Variants in NCKAP5L observed in about 807,000 individuals in gnomAD.
The protein encoded by NCKAP5L is NCK associated protein 5 like, also known as nck-associated protein 5-like.
NCKAP5L carries 54 observed loss-of-function variants against 103.2 expected under a neutral mutation model. That is an observed-to-expected ratio of 0.52 (90% CI 0.42 to 0.66). NCKAP5L has a LOEUF of 0.66. Among genes scored for constraint, NCKAP5L ranks in the 30% least tolerant of loss-of-function variants. NCKAP5L has a pLI of 0.00. For synonymous variants in NCKAP5L, 762 were observed against 748.6 expected, an observed-to-expected ratio of 1.02 and a Z score of -0.29; for missense variants, 1,733 against 1,750.6, an observed-to-expected ratio of 0.99 and a Z score of 0.18.
In NCKAP5L at chr12:49,792,753, G is replaced by A; in HGVS notation, c.3574C>T (p.His1192Tyr). 1.2e-6 allele frequency: 2 copies of A among 1,608,922 alleles called. No homozygotes were observed. Among genetic ancestry groups the A allele is most frequent in the Non-Finnish European group, 1.7e-6 (2 of 1,178,564 alleles). ...GCAGGGAAGGCTGGCATGCTGGGGT[G>A]CCGCCCACTCACCAGCAGCTCCTCT... ...GIEELLVSGRHPSMPAFPALL... is the reference protein window; with the variant it reads ...GIEELLVSGRYPSMPAFPALL... The change falls in exon 11 of 13, where the codon CAC becomes TAC. Residue 1192 changes from histidine (H) to tyrosine (Y), a missense_variant. Coordinates refer to ENST00000335999, the MANE Select transcript of NCKAP5L (RefSeq NM_001037806.4). This position sits in a 1 kb window ranked among gnomAD's most constrained non-coding sequence, Gnocchi z 4.5.
rs778358142 is a variant in NCKAP5L at position 49,795,687 on chromosome 12, T to TC, written c.2172dup (p.Ile725AspfsTer85). On this transcript the variant is annotated frameshift_variant, in exon 8 of 13. Transcript: ENST00000335999. LOFTEE classifies it high-confidence loss of function. ...GTGCCCAAGGCCACTGCCCCCCGTA[T>TC]CCCCCCCTTGGCTTCTAGCTGCTCC... is the stretch of plus-strand genomic sequence containing the variant. The TC allele has an allele frequency of 1.2e-6, 2 of 1,611,932 alleles. No individual in the cohort carries two copies. Among genetic ancestry groups the TC allele is most frequent in the Non-Finnish European group, 8.5e-7 (1 of 1,179,138 alleles).
chr12:49,822,648 G>A (rs1946373986), intron 1 of NCKAP5L, among the ~76,000 whole-genome samples: 1 of 151,128 alleles, frequency 6.6e-6, no homozygotes, highest in Non-Finnish European at 1.5e-5. Flanking sequence ...CTGGGTTCAA[G>A]TGATCCTCCC....
rs1330832432 is a variant in NCKAP5L at position 49,793,292 on chromosome 12, T to C, written c.3340+60A>G. 4.0e-6 allele frequency: 6 copies of C among 1,504,790 alleles called. No individual in the cohort carries two copies. The African/African-American group carries it at 7.0e-5, about 17-fold the overall frequency. The allele number at this position is 1,504,790 out of a possible 1,614,324, so 93.2% of individuals were successfully genotyped here. On this transcript the variant is annotated intron_variant, in intron 10 of 12. Transcript: ENST00000335999. ...GCTGCGGGGACGGGAAGAAGTAAAG[T>C]GGGAAGAAGTGGGTAGGGGGGTGGG...
intron 1 of NCKAP5L, among the ~76,000 whole-genome samples, chr12:49,811,914 C>T (rs1336940228): frequency 6.6e-6 from 1 of 152,218 alleles, no homozygotes. Flanking sequence ...TCTCATTGTT[C>T]CCTTAACCTG....
chr12:49,821,884 A>G (rs569957145), intron 1 of NCKAP5L, among the ~76,000 whole-genome samples: 1 of 152,324 alleles, frequency 6.6e-6, no homozygotes, highest in South Asian at 2.1e-4. Flanking sequence ...ACAAAGGTGA[A>G]CAAACACTGC....
At chr12:49,827,298 G>A (rs570618672) in intron 1 of NCKAP5L, among the ~76,000 whole-genome samples, 1 of 152,108 alleles carries the variant, frequency 6.6e-6, no homozygotes, top group Non-Finnish European at 1.5e-5. Flanking sequence ...TGGGAGGGAG[G>A]GATTGCCTCT....
chr12:49,791,800 G>GC lies in NCKAP5L; in HGVS notation c.*38_*39insG. On this transcript the variant is annotated 3_prime_UTR_variant, in exon 13 of 13. Coordinates refer to ENST00000335999, the MANE Select transcript of NCKAP5L (RefSeq NM_001037806.4). ...ATGAAGAGAGCCGGTCCAGTCTGTG[G>GC]TCCCCAGCTCCAGCGGGGCCGTGGC... 6.7e-7 allele frequency: 1 copy of GC among 1,498,910 alleles called. No individual in the cohort carries two copies. Among genetic ancestry groups the GC allele is most frequent in the African/African-American group, 1.4e-5 (1 of 72,194 alleles). 92.9% of individuals were successfully genotyped at this position (1,498,910 alleles called of 1,614,324 possible). A position where few individuals can be genotyped will look rare whatever the true frequency, so the allele number is the denominator to read the frequency against.
intron 8 of NCKAP5L, 91 bp from the exon 9 acceptor site, chr12:49,793,987 G>A: frequency 8.3e-7 from 1 of 1,205,844 alleles, no homozygotes; most frequent in Non-Finnish European, 1.1e-6. Flanking sequence ...GGCTTAGGGA[G>A]GCACTTCCTG....
rs751438326 is a variant in NCKAP5L, at chr12:49,803,125, C to T, written c.164G>A (p.Arg55Gln). The T allele has an allele frequency of 2.0e-5, 33 of 1,614,150 alleles. No individual in the cohort carries two copies. Among genetic ancestry groups the T allele is most frequent in the South Asian group, 3.3e-5 (3 of 91,088 alleles). The change falls in exon 4 of 13, where the codon CGG (arginine) becomes CAG (glutamine). Residue 55 changes from arginine (R) to glutamine (Q), a missense_variant. Transcript: ENST00000335999. ...SALAQANENQRETYERCLDEV... is the reference protein window; with the variant it reads ...SALAQANENQQETYERCLDEV... ...GTCCAGACAGCGCTCATAAGTCTCCCGCTGGTTTTCGTTGGCCTGGGCAAG... is the reference window on the plus strand; with the variant it reads ...GTCCAGACAGCGCTCATAAGTCTCCTGCTGGTTTTCGTTGGCCTGGGCAAG...
chr12:49,796,423 C>A lies in NCKAP5L; in HGVS notation c.1437G>T (p.Gln479His). The A allele has an allele frequency of 6.4e-7, 1 of 1,562,974 alleles. No homozygotes were observed. The highest frequency in any genetic ancestry group is 8.6e-7 in the Non-Finnish European group (1 of 1,157,034). The change falls in exon 8 of 13, where the codon CAG becomes CAT. Residue 479 changes from glutamine to histidine, a missense_variant. Gln to His is a conservative substitution (Grantham distance 24, BLOSUM62 0). Transcript: ENST00000335999. ...PSPGGPQLSPQLPRNSRIPCR... is the reference protein window; with the variant it reads ...PSPGGPQLSPHLPRNSRIPCR... ...AGGGGATTCGCGAGTTCCGGGGGAG[C>A]TGGGGACTGAGCTGCGGGCCTCCTG...
chr12:49,794,028 C>G lies in NCKAP5L; in HGVS notation c.3096-132G>C, dbSNP rs551485327. ...CACCCCCGGGGAAGGGGACATGTCG[C>G]TAGTGATTGCTCCCAACACCCTTCT... is the stretch of plus-strand genomic sequence containing the variant. On this transcript the variant is annotated intron_variant, in intron 8 of 12. Coordinates refer to ENST00000335999, the MANE Select transcript of NCKAP5L (RefSeq NM_001037806.4). The G allele has an allele frequency of 6.1e-4, 508 of 826,730 alleles. 4 individuals carry two copies. In the South Asian group the frequency reaches 6.4e-3, roughly 10 times the overall value. 51.2% of individuals were successfully genotyped at this position (826,730 alleles called of 1,614,324 possible).
rs1350482007 is a variant in NCKAP5L, at chr12:49,792,377, A to T, written c.3792+69T>A. On this transcript the variant is annotated intron_variant, in intron 12 of 12. Coordinates refer to ENST00000335999, the MANE Select transcript of NCKAP5L (RefSeq NM_001037806.4). The surrounding 1 kb of genome is among the most constrained non-coding windows in gnomAD (Gnocchi z 4.5). ...ACACACAGGCCGTACCTTACTGGAG[A>T]AACTGGTCTCCCCACATCACTCCCT... The T allele has an allele frequency of 1.9e-6, 3 of 1,586,738 alleles. No individual in the cohort carries two copies. The African/African-American group carries it at 4.0e-5, about 21-fold the overall frequency.
chr12:49,791,738 C>A lies in NCKAP5L; in HGVS notation c.*101G>T. 1 of 1,043,852 alleles carries A rather than the reference C, an allele frequency of 9.6e-7. No homozygotes were observed. Among genetic ancestry groups the A allele is most frequent in the Admixed American group, 3.1e-5 (1 of 32,646 alleles). The allele number at this position is 1,043,852 out of a possible 1,614,324, so 64.7% of individuals were successfully genotyped here. A position where few individuals can be genotyped will look rare whatever the true frequency, so the allele number is the denominator to read the frequency against. On this transcript the variant is annotated 3_prime_UTR_variant, in exon 13 of 13. Coordinates refer to ENST00000335999, the MANE Select transcript of NCKAP5L (RefSeq NM_001037806.4). ...CTTCTTATCCACCTGCCTCCTTGGT[C>A]CCTTCAGGGAGGGGTCCCCGTCTCC...
chr12:49,796,348 C>A lies in NCKAP5L; in HGVS notation c.1512G>T (p.Arg504Ser), dbSNP rs370689342. 7.0e-6 allele frequency: 11 copies of A among 1,564,562 alleles called. No individual in the cohort carries two copies. Among genetic ancestry groups the A allele is most frequent in the Non-Finnish European group, 7.8e-6 (9 of 1,156,540 alleles). Reference protein sequence around the residue: ...DGSPSPLLARRGLGGGELSPE... With the variant: ...DGSPSPLLARSGLGGGELSPE... ...GGGACAGCTCTCCTCCACCCAGACCCCTTCGGGCCAACAGTGGGGAGGGGC... is the reference window on the plus strand; with the variant it reads ...GGGACAGCTCTCCTCCACCCAGACCACTTCGGGCCAACAGTGGGGAGGGGC... Residue 504 changes from arginine to serine, a missense_variant, in exon 8 of 13, where the codon AGG becomes AGT. Transcript: ENST00000335999.
rs1189645233 is a variant in NCKAP5L, at chr12:49,791,806, A to G, written c.*33T>C. On this transcript the variant is annotated 3_prime_UTR_variant, in exon 13 of 13. Coordinates refer to ENST00000335999, the MANE Select transcript of NCKAP5L (RefSeq NM_001037806.4). ...AGAGCCGGTCCAGTCTGTGGTCCCCAGCTCCAGCGGGGCCGTGGCGTGGCG... is the reference window on the plus strand; with the variant it reads ...AGAGCCGGTCCAGTCTGTGGTCCCCGGCTCCAGCGGGGCCGTGGCGTGGCG... 6.6e-7 allele frequency: 1 copy of G among 1,517,354 alleles called. No homozygotes were observed. The allele number at this position is 1,517,354 out of a possible 1,614,324, so 94.0% of individuals were successfully genotyped here. A position where few individuals can be genotyped will look rare whatever the true frequency, so the allele number is the denominator to read the frequency against.
chr12:49,797,164 C>A lies in NCKAP5L; in HGVS notation c.696G>T (p.Pro232=), dbSNP rs367887084. The A allele has an allele frequency of 1.2e-6, 2 of 1,610,640 alleles. No homozygotes were observed. The highest frequency in any genetic ancestry group is 2.2e-5 in the South Asian group (2 of 90,594). Residue 232 remains proline (P), a synonymous_variant, in exon 8 of 13, where the codon CCG becomes CCT. Transcript: ENST00000335999. The surrounding 1 kb of genome is among the most constrained non-coding windows in gnomAD (Gnocchi z 4.5). Reference sequence around the variant, plus strand: ...CCCAGGGTGAGGGTTCAGGCTGAGGCGGGCCACACAGCTCGCCGTTGATGG... The same window carrying A: ...CCCAGGGTGAGGGTTCAGGCTGAGGAGGGCCACACAGCTCGCCGTTGATGG... The part of the protein sequence containing the change: ...PEPINGELCG[P]PQPEPSPWAP...
In NCKAP5L at chr12:49,793,347, C is replaced by T. The variant is rs200250589; in HGVS notation, c.3340+5G>A. ...GGCCCATCCTCAGCCCCTGACCCTG[C>T]TGACCTGTGAAGTGTGAGGTGGGCA... On this transcript the variant is annotated splice_donor_5th_base_variant and intron_variant, in intron 10 of 12. Coordinates refer to ENST00000335999, the MANE Select transcript of NCKAP5L (RefSeq NM_001037806.4). 1.2e-5 allele frequency: 19 copies of T among 1,605,820 alleles called. No homozygotes were observed. The East Asian group carries it at 4.2e-4, about 36-fold the overall frequency.
intron 5 of NCKAP5L, chr12:49,802,701 G>A (rs1946133560): frequency 1.8e-6 from 1 of 557,742 alleles, no homozygotes; most frequent in Non-Finnish European, 3.2e-6. Flanking sequence ...CTGCTTTAAG[G>A]GCTATCACAA....
chr12:49,809,041 G>T lies in NCKAP5L; in HGVS notation c.-98-3000C>A, dbSNP rs191088571. On this transcript the variant is annotated intron_variant, in intron 1 of 12. Coordinates refer to ENST00000335999, the MANE Select transcript of NCKAP5L (RefSeq NM_001037806.4). ...CTCTCTGGCTCGTCCTTCAGAGGGT[G>T]TGGGGAGGGGGCCAGTTTTCAGGCA... Among the ~76,000 whole-genome samples the T allele has an allele frequency of 8.5e-5, 13 of 152,176 alleles. No individual in the cohort carries two copies. The East Asian group carries it at 2.5e-3, about 29-fold the overall frequency.
Sources: allele counts gnomAD v4.1 joint callset (sites outside exome capture counted in the v4.1 genomes callset), GRCh38; gene constraint gnomAD v4.1.1; non-coding constraint Gnocchi (gnomAD v3.1); transcripts MANE v1.5; gene names NCBI Gene and HGNC (gene_info 2026-07-23, HGNC 2026-07-21).